Variants in NELL1 observed in about 807,000 individuals in gnomAD.
The protein encoded by NELL1 is protein kinase C-binding protein NELL1.
Under a neutral mutation model 107.4 loss-of-function variants are expected in NELL1, and 76 were observed. The ratio of observed to expected loss-of-function variants is 0.71; its 90% CI spans 0.59 to 0.86. The LOEUF (loss-of-function observed/expected upper bound fraction) is 0.86. NELL1 is among the 40% of genes least tolerant of loss of function. NELL1 has a pLI of 0.00. For missense variants in NELL1, 1,024 were observed against 1,005.5 expected, an observed-to-expected ratio of 1.02 and a Z score of -0.25; for synonymous variants, 353 against 341.2, an observed-to-expected ratio of 1.03 and a Z score of -0.38.
intron 15 of NELL1, among the ~76,000 whole-genome samples, chr11:21,443,844 C>T (rs1020209708): frequency 1.4e-5 from 2 of 147,022 alleles, no homozygotes; most frequent in Admixed American, 6.8e-5. Flanking sequence ...GGAGACAGAG[C>T]GAGACTCTGT....
At chr11:21,544,387 G>T (rs1856377509) in intron 16 of NELL1, among the ~76,000 whole-genome samples, 1 of 151,868 alleles carries the variant, frequency 6.6e-6, no homozygotes, top group Non-Finnish European at 1.5e-5. Context: ...TTCTGATATA[G>T]GTTATACTTT....
At chr11:21,313,328 C>T (rs1412461236) in intron 14 of NELL1, among the ~76,000 whole-genome samples, 1 of 152,024 alleles carries the variant, frequency 6.6e-6, no homozygotes, top group Non-Finnish European at 1.5e-5. Context: ...ATCCAAAGAC[C>T]ATTGACATGG....
chr11:20,752,641 C>G (rs569514951), intron 2 of NELL1, among the ~76,000 whole-genome samples: 2 of 152,304 alleles, frequency 1.3e-5, no homozygotes, highest in African/African-American at 2.4e-5. Context: ...GGCACCAACT[C>G]TAGTTCAAGT....
At chr11:21,249,223 G>C (rs1213412291) in intron 14 of NELL1, among the ~76,000 whole-genome samples, 2 of 152,070 alleles carry the variant, frequency 1.3e-5, no homozygotes, top group Admixed American at 6.6e-5. Context: ...AGATATATTT[G>C]GTGTAGAGAT....
intron 4 of NELL1, among the ~76,000 whole-genome samples, chr11:20,860,071 G>T (rs1279486240): frequency 6.6e-6 from 1 of 152,092 alleles, no homozygotes; most frequent in Non-Finnish European, 1.5e-5. Flanking sequence ...GCCTTTTTCT[G>T]ATTTTGAGTT....
At chr11:20,722,793 A>G (rs576641048) in intron 2 of NELL1, among the ~76,000 whole-genome samples, 1 of 152,320 alleles carries the variant, frequency 6.6e-6, no homozygotes, top group South Asian at 2.1e-4. Context: ...TTGATTACTC[A>G]GTCTCTGTAT....
chr11:20,994,291 GA>G (rs1294427556), intron 12 of NELL1, among the ~76,000 whole-genome samples: 2 of 152,130 alleles, frequency 1.3e-5, no homozygotes, highest in Non-Finnish European at 2.9e-5. Context: ...GTATTGTCAT[GA>G]AAAAACATGA....
intron 14 of NELL1, among the ~76,000 whole-genome samples, chr11:21,336,680 C>CACACACACACAT (rs1460768276): frequency 6.7e-6 from 1 of 149,410 alleles, no homozygotes; most frequent in African/African-American, 2.5e-5. Flanking sequence ...TATATACACA[C>CACACACACACAT]ACACACACAC....
At chr11:21,226,242 A>G (rs1050983743) in intron 13 of NELL1, among the ~76,000 whole-genome samples, 5 of 152,218 alleles carry the variant, frequency 3.3e-5, no homozygotes, top group Admixed American at 2.0e-4. Context: ...GGAATAGGTC[A>G]TCTATTCTCA....
intron 12 of NELL1, among the ~76,000 whole-genome samples, chr11:21,022,034 C>G (rs1852713636): frequency 6.6e-6 from 1 of 152,084 alleles, no homozygotes; most frequent in Non-Finnish European, 1.5e-5. Context: ...GTCACATCCC[C>G]TGCCCCAGTT....
At chr11:20,971,277 C>T (rs543026515) in intron 12 of NELL1, among the ~76,000 whole-genome samples, 2 of 152,070 alleles carry the variant, frequency 1.3e-5, no homozygotes, top group South Asian at 4.1e-4. Context: ...TAGCATATCT[C>T]CTTGAAAGAC....
intron 4 of NELL1, among the ~76,000 whole-genome samples, chr11:20,865,822 A>G (rs905977254): frequency 2.6e-5 from 4 of 152,094 alleles, no homozygotes; most frequent in Admixed American, 2.6e-4. Flanking sequence ...TCTGTAAACA[A>G]TGCCGTTTAA....
At chr11:20,731,568 A>AT (rs1855645313) in intron 2 of NELL1, among the ~76,000 whole-genome samples, 1 of 152,200 alleles carries the variant, frequency 6.6e-6, no homozygotes, top group African/African-American at 2.4e-5. Context: ...CATGGGCATG[A>AT]GTGTGGGGAT....
chr11:20,922,384 A>G (rs1446701042), intron 7 of NELL1, among the ~76,000 whole-genome samples: 1 of 151,640 alleles, frequency 6.6e-6, no homozygotes, highest in Admixed American at 6.6e-5. Flanking sequence ...TATATTGAAT[A>G]CAGCAGTTTA....
rs188539939 is a variant in NELL1 at position 20,700,885 on chromosome 11, C to A, written c.184+22825C>A. ...AGTATTCCATGGTGTATATGTGCCA[C>A]ATTTTCTTAACCCAATCTATCACTG... is the stretch of plus-strand genomic sequence containing the variant. On this transcript the variant is annotated intron_variant, in intron 2 of 19. Coordinates refer to ENST00000357134, the MANE Select transcript of NELL1 (RefSeq NM_006157.5). Among the ~76,000 whole-genome samples the A allele has an allele frequency of 7.2e-5, 11 of 152,300 alleles. No individual in the cohort carries two copies. The East Asian group carries it at 2.1e-3, about 29-fold the overall frequency.
chr11:20,798,507 TA>T (rs1018800690), intron 3 of NELL1, among the ~76,000 whole-genome samples: 3 of 97,794 alleles, frequency 3.1e-5, no homozygotes, highest in Admixed American at 1.4e-4. Context: ...CTAGAGAATT[TA>T]AAAAAACTCT....
At chr11:20,702,386 T>C (rs931818826) in intron 2 of NELL1, among the ~76,000 whole-genome samples, 2 of 152,080 alleles carry the variant, frequency 1.3e-5, no homozygotes, top group African/African-American at 2.4e-5. Flanking sequence ...CTGAAGTTGC[T>C]TATCAGCTTA....
chr11:20,694,933 G>A (rs934488972), intron 2 of NELL1, among the ~76,000 whole-genome samples: 17 of 151,954 alleles, frequency 1.1e-4, no homozygotes, highest in Admixed American at 2.0e-4. Context: ...AACATGGAAC[G>A]TTTCTTCATT....
intron 13 of NELL1, among the ~76,000 whole-genome samples, chr11:21,203,430 C>CTTTTTTTTTTTTTTTT (rs35689054): frequency 9.9e-6 from 1 of 101,314 alleles, no homozygotes; most frequent in Admixed American, 1.0e-4. Context: ...GCAACCCTTG[C>CTTTTTTTTTTTTTTTT]TTTTTTTTTT....
Sources: gnomAD v4.1 joint callset for allele counts (sites outside exome capture counted in the v4.1 genomes callset) on GRCh38, gnomAD v4.1.1 for gene constraint, MANE v1.5 for transcripts, NCBI Gene and HGNC (gene_info 2026-07-23, HGNC 2026-07-21) for gene names.